MYT1L: variants seen among roughly 807,000 people sequenced by gnomAD.
MYT1L encodes myelin transcription factor 1 like.
Under a neutral mutation model 126.7 loss-of-function variants are expected in MYT1L, and 12 were observed. The ratio of observed to expected loss-of-function variants is 0.09; its 90% CI spans 0.06 to 0.15. The LOEUF (loss-of-function observed/expected upper bound fraction) is 0.15. Ranked by LOEUF, MYT1L falls within the 10% of genes least tolerant of loss-of-function variation. The pLI is 1.00. For missense variants in MYT1L, 979 were observed against 1,585.2 expected (o/e 0.62, Z 6.49); for synonymous variants, 541 against 604.2 (o/e 0.90, Z 1.53).
intron 2 of MYT1L, among the ~76,000 whole-genome samples, chr2:2,241,461 A>G (rs2094439424): frequency 1.3e-5 from 2 of 152,128 alleles, no homozygotes; most frequent in Admixed American, 6.5e-5. Flanking sequence ...CTGTCCACAC[A>G]CTGCTTTATG....
At chr2:2,045,598 T>C (rs1057128801) in intron 4 of MYT1L, among the ~76,000 whole-genome samples, 2 of 152,232 alleles carry the variant, frequency 1.3e-5, no homozygotes, top group African/African-American at 2.4e-5. Context: ...TAAGAGAGCA[T>C]GCAAAGCATT....
At chr2:2,123,106 T>C (rs2081266493) in intron 3 of MYT1L, among the ~76,000 whole-genome samples, 2 of 152,142 alleles carry the variant, frequency 1.3e-5, no homozygotes, top group African/African-American at 4.8e-5. Flanking sequence ...GGGGATCATC[T>C]GACCCATTTC....
rs913443071 is a variant in MYT1L, at chr2:1,908,768, T to C, written c.1817+1472A>G. Among the ~76,000 whole-genome samples the C allele has an allele frequency of 5.3e-5, 8 of 152,226 alleles. No individual in the cohort carries two copies. The East Asian group carries it at 1.2e-3, about 22-fold the overall frequency. On this transcript the variant is annotated intron_variant, in intron 13 of 24. Coordinates refer to ENST00000647738, the MANE Select transcript of MYT1L (RefSeq NM_001303052.2). ...TTGTTCAGTGTTTGGTCTTGCCATA[T>C]GGAAGGTGGGTGCATTTCCCTGAAA...
chr2:1,911,863 G>A (rs924138765), intron 12 of MYT1L, among the ~76,000 whole-genome samples, 157 bp downstream of exon 12: 1 of 152,206 alleles, frequency 6.6e-6, no homozygotes. Flanking sequence ...CCACAAGGGC[G>A]TGGAGTGCTT....
chr2:1,987,415 T>G, intron 5 of MYT1L, among the ~76,000 whole-genome samples: 1 of 151,036 alleles, frequency 6.6e-6, no homozygotes, highest in South Asian at 2.1e-4. Flanking sequence ...ATGGCCGGAG[T>G]GGAGGTGCAG....
intron 3 of MYT1L, among the ~76,000 whole-genome samples, chr2:2,164,070 T>C (rs991707803): frequency 6.6e-6 from 1 of 152,180 alleles, no homozygotes; most frequent in African/African-American, 2.4e-5. Flanking sequence ...TAATTTCTTA[T>C]GGATATTAAA....
intron 3 of MYT1L, among the ~76,000 whole-genome samples, chr2:2,080,470 C>T (rs1170331332): frequency 3.9e-5 from 6 of 152,094 alleles, no homozygotes; most frequent in African/African-American, 7.2e-5. Flanking sequence ...ATAATCCTTA[C>T]AAAGCAATAA....
chr2:2,249,919 G>A (rs2094603434), intron 2 of MYT1L, among the ~76,000 whole-genome samples: 1 of 151,984 alleles, frequency 6.6e-6, no homozygotes, highest in Admixed American at 6.6e-5. Flanking sequence ...CATATGAAAA[G>A]GTGTTCAACA....
chr2:2,023,461 C>G (rs761315324), intron 4 of MYT1L, among the ~76,000 whole-genome samples: 34 of 152,164 alleles, frequency 2.2e-4, no homozygotes, highest in Non-Finnish European at 4.3e-4. Context: ...CAATCTCTCT[C>G]TCTCCACTTC....
At chr2:2,229,321 C>T (rs2094103302) in intron 2 of MYT1L, among the ~76,000 whole-genome samples, 1 of 152,120 alleles carries the variant, frequency 6.6e-6, no homozygotes, top group Admixed American at 6.5e-5. Context: ...ATTCTTTCTC[C>T]TACATTTGAA....
At chr2:2,045,099 A>C (rs1223269483) in intron 4 of MYT1L, among the ~76,000 whole-genome samples, 1 of 152,218 alleles carries the variant, frequency 6.6e-6, no homozygotes, top group Non-Finnish European at 1.5e-5. Context: ...CCCCACACTG[A>C]AGGAATGAAG....
intron 4 of MYT1L, among the ~76,000 whole-genome samples, chr2:2,019,626 G>A (rs920231808): frequency 6.6e-6 from 1 of 152,192 alleles, no homozygotes; most frequent in Non-Finnish European, 1.5e-5. Context: ...GTCATTCTCT[G>A]CCATGCAGGC....
intron 3 of MYT1L, among the ~76,000 whole-genome samples, chr2:2,109,490 G>A (rs2079124067): frequency 6.6e-6 from 1 of 151,738 alleles, no homozygotes; most frequent in Non-Finnish European, 1.5e-5. Context: ...CCGGGCCTCA[G>A]AATCTCAAAG....
intron 3 of MYT1L, among the ~76,000 whole-genome samples, chr2:2,145,368 C>T (rs2084726368): frequency 6.6e-6 from 1 of 152,222 alleles, no homozygotes; most frequent in African/African-American, 2.4e-5. Context: ...CCGTCCAGCG[C>T]TCTAACCTGT....
intron 21 of MYT1L, among the ~76,000 whole-genome samples, chr2:1,835,638 C>T (rs1409582182): frequency 2.0e-5 from 3 of 152,144 alleles, no homozygotes; most frequent in East Asian, 3.9e-4. Context: ...TGCCCCTTTC[C>T]CCTTATGCCA....
At position 1,806,690 on chromosome 2, in the gene MYT1L, C is replaced by T. The variant is rs1572403102; in HGVS notation, c.3172+2386G>A. 2.0e-5 allele frequency among the ~76,000 whole-genome samples: 3 copies of T among 152,314 alleles called. No homozygotes were observed. In the South Asian group the frequency reaches 6.2e-4, roughly 32 times the overall value. ...CACCTCAGGGATCTGCCCACCGCCG[C>T]CCAGGTGGACCAGCCCAGGTGTGAA... On this transcript the variant is annotated intron_variant, in intron 22 of 24. Coordinates refer to ENST00000647738, the MANE Select transcript of MYT1L (RefSeq NM_001303052.2). This position sits in a 1 kb window ranked among gnomAD's most constrained non-coding sequence, Gnocchi z 4.9.
chr2:2,207,655 G>C lies in MYT1L; in HGVS notation c.-420-34667C>G, dbSNP rs1028519716. ...TAACTAACTGTTGACAATTATTCTA[G>C]AGGCCCTACAGTGAGACAAGTTTTG... On this transcript the variant is annotated intron_variant, in intron 2 of 24. Transcript: ENST00000647738. 3.3e-5 allele frequency among the ~76,000 whole-genome samples: 5 copies of C among 152,272 alleles called. No homozygotes were observed. In the East Asian group the frequency reaches 7.7e-4, roughly 23 times the overall value.
At chr2:2,307,373 A>G (rs751489919) in intron 1 of MYT1L, among the ~76,000 whole-genome samples, 11 of 152,078 alleles carry the variant, frequency 7.2e-5, no homozygotes, top group South Asian at 2.1e-4. Flanking sequence ...CTACTATTAA[A>G]AGTCCAGAAT....
intron 3 of MYT1L, among the ~76,000 whole-genome samples, chr2:2,081,718 A>G: frequency 6.6e-6 from 1 of 152,040 alleles, no homozygotes; most frequent in East Asian, 1.9e-4. Flanking sequence ...TACCTTAGTT[A>G]GTTTATTTAT....
Sources: gnomAD v4.1 joint callset for allele counts (sites outside exome capture counted in the v4.1 genomes callset) on GRCh38, gnomAD v4.1.1 for gene constraint, Gnocchi (gnomAD v3.1) non-coding constraint, MANE v1.5 for transcripts, NCBI Gene and HGNC (gene_info 2026-07-23, HGNC 2026-07-21) for gene names.